The following RAP1GDS1 variants were observed in gnomAD, a reference collection of about 807,000 sequenced individuals.
RAP1GDS1 encodes RAP1, GTP-GDP dissociation stimulator 1.
Under a neutral mutation model 71.1 loss-of-function variants are expected in RAP1GDS1, and 35 were observed. The observed-to-expected ratio is 0.49, with a 90% CI of 0.38 to 0.65. RAP1GDS1 has a LOEUF of 0.65. RAP1GDS1 is among the 30% of genes least tolerant of loss of function. RAP1GDS1 has a pLI of 0.00. For missense variants in RAP1GDS1, 663 were observed against 706.1 expected (o/e 0.94, Z 0.69); for synonymous variants, 229 against 243.1 (o/e 0.94, Z 0.54).
intron 2 of RAP1GDS1, among the ~76,000 whole-genome samples, chr4:98,330,255 T>C (rs920107403): frequency 1.3e-5 from 2 of 152,234 alleles, no homozygotes; most frequent in African/African-American, 4.8e-5. Context: ...TGATCTCTCT[T>C]TCTTTTCCCC....
intron 1 of RAP1GDS1, among the ~76,000 whole-genome samples, chr4:98,261,963 C>T (rs1397364219): frequency 6.6e-6 from 1 of 152,268 alleles, no homozygotes; most frequent in African/African-American, 2.4e-5. Flanking sequence ...GAGCTCGAGG[C>T]TCGGGTCCGA....
chr4:98,296,157 A>G (rs1474218368), intron 2 of RAP1GDS1, among the ~76,000 whole-genome samples: 1 of 152,074 alleles, frequency 6.6e-6, no homozygotes, highest in Non-Finnish European at 1.5e-5. Flanking sequence ...CAGGAAAGAA[A>G]GATTTCTCCA....
chr4:98,292,565 A>G (rs1425277254), intron 1 of RAP1GDS1, among the ~76,000 whole-genome samples: 1 of 145,992 alleles, frequency 6.8e-6, no homozygotes, highest in Non-Finnish European at 1.5e-5. Context: ...AAAGTATAAT[A>G]AAAGAAAAAA....
chr4:98,285,938 CAT>C, intron 1 of RAP1GDS1, among the ~76,000 whole-genome samples: 1 of 146,502 alleles, frequency 6.8e-6, no homozygotes. Flanking sequence ...TAAATATATT[CAT>C]ATTTATTATA....
chr4:98,420,524 C>T (rs1339539307), intron 11 of RAP1GDS1, among the ~76,000 whole-genome samples: 1 of 151,984 alleles, frequency 6.6e-6, no homozygotes, highest in Non-Finnish European at 1.5e-5. Flanking sequence ...CTCCACAACT[C>T]CTGGCTAATT....
At chr4:98,265,428 G>A (rs573648115) in intron 1 of RAP1GDS1, among the ~76,000 whole-genome samples, 2 of 152,224 alleles carry the variant, frequency 1.3e-5, no homozygotes, top group Admixed American at 1.3e-4. Flanking sequence ...GTCATATTAG[G>A]ATTTGAATAC....
At chr4:98,317,889 C>T (rs1478420158) in intron 2 of RAP1GDS1, among the ~76,000 whole-genome samples, 6 of 149,818 alleles carry the variant, frequency 4.0e-5, no homozygotes, top group Non-Finnish European at 8.9e-5. Context: ...TCGCCCAGGC[C>T]GGAGTGCAGT....
chr4:98,288,718 G>A (rs558982028), intron 1 of RAP1GDS1, among the ~76,000 whole-genome samples: 11 of 152,044 alleles, frequency 7.2e-5, no homozygotes, highest in African/African-American at 1.2e-4. Flanking sequence ...TTTAATGATC[G>A]CCATTCTAAC....
chr4:98,277,998 G>A (rs113916103), intron 1 of RAP1GDS1, among the ~76,000 whole-genome samples: 5,416 of 152,252 alleles, frequency 0.036, 321 homozygotes, highest in African/African-American at 0.12. Flanking sequence ...AGGCCAAGGC[G>A]GATGTGTCAC....
chr4:98,336,309 G>A (rs1291641510), intron 2 of RAP1GDS1, among the ~76,000 whole-genome samples: 5 of 152,012 alleles, frequency 3.3e-5, no homozygotes, highest in Non-Finnish European at 7.4e-5. Context: ...TTTTAACCAT[G>A]TAACTCTTAA....
chr4:98,368,839 T>C lies in RAP1GDS1; in HGVS notation c.362-10178T>C, dbSNP rs148374954. On this transcript the variant is annotated intron_variant, in intron 4 of 14. Transcript: ENST00000408927. Reference sequence around the variant, plus strand: ...CAGCTAAAGTTCCACTTCAGTTTGATATGCATGTACTGAAGTCCTCTTATT... The same window carrying C: ...CAGCTAAAGTTCCACTTCAGTTTGACATGCATGTACTGAAGTCCTCTTATT... Among the ~76,000 whole-genome samples, 541 of 152,336 alleles carry C rather than the reference T, an allele frequency of 3.6e-3. 3 individuals are homozygous for C. The highest frequency in any genetic ancestry group is 0.012 in the African/African-American group (507 of 41,568).
intron 4 of RAP1GDS1, among the ~76,000 whole-genome samples, chr4:98,369,483 G>A (rs1044494761): frequency 5.9e-5 from 9 of 152,246 alleles, no homozygotes; most frequent in Middle Eastern, 3.4e-3. Flanking sequence ...GTATATTTGA[G>A]TGGATAAAAG....
chr4:98,303,007 C>CTG (rs1329611257), intron 2 of RAP1GDS1, among the ~76,000 whole-genome samples: 1 of 151,140 alleles, frequency 6.6e-6, no homozygotes, highest in Non-Finnish European at 1.5e-5. Context: ...GATTGCGTGA[C>CTG]TGCACTCTAG....
chr4:98,388,508 C>T (rs1460958400), intron 5 of RAP1GDS1, among the ~76,000 whole-genome samples: 2 of 152,086 alleles, frequency 1.3e-5, no homozygotes, highest in Non-Finnish European at 2.9e-5. Context: ...GATGGATCGC[C>T]TGAGGTCAGG....
Position 98,420,021 on chromosome 4 carries a change from A to G in RAP1GDS1, c.1177A>G (p.Ile393Val). 1.3e-6 allele frequency: 2 copies of G among 1,593,678 alleles called. No individual in the cohort carries two copies. The highest frequency in any genetic ancestry group is 1.7e-6 in the Non-Finnish European group (2 of 1,170,428). Residue 393 changes from isoleucine (I) to valine (V), a missense_variant and splice_region_variant, in exon 11 of 15, where the codon ATA becomes GTA. By Grantham distance (29) the Ile-to-Val change is conservative. Transcript: ENST00000408927. ...CCATAGTCTCTCTTTTTCTCCAGTT[A>G]TAAATAAAGCAAAGATGTTATCAGC... ...SALRNLAIPV[I>V]NKAKMLSAGV...
chr4:98,311,607 A>C (rs750033194), intron 2 of RAP1GDS1, among the ~76,000 whole-genome samples: 12 of 152,162 alleles, frequency 7.9e-5, no homozygotes, highest in Non-Finnish European at 1.5e-4. Flanking sequence ...TATGATAAGA[A>C]ATATATATGT....
At chr4:98,435,389 T>A (rs1402950252) in intron 13 of RAP1GDS1, among the ~76,000 whole-genome samples, 4 of 152,212 alleles carry the variant, frequency 2.6e-5, no homozygotes. Context: ...ATTTTGTATA[T>A]GAATTATATA....
intron 1 of RAP1GDS1, among the ~76,000 whole-genome samples, chr4:98,277,018 C>T (rs1204583005): frequency 6.6e-6 from 1 of 152,088 alleles, no homozygotes; most frequent in African/African-American, 2.4e-5. Flanking sequence ...TAGTTAGGGG[C>T]AGTGTCAGGC....
At chr4:98,362,089 A>G (rs1738829132) in intron 4 of RAP1GDS1, among the ~76,000 whole-genome samples, 1 of 152,218 alleles carries the variant, frequency 6.6e-6, no homozygotes, top group Non-Finnish European at 1.5e-5. Flanking sequence ...CATAATAGAA[A>G]TTCACTGTTG....
Sources: allele counts gnomAD v4.1 joint callset (sites outside exome capture counted in the v4.1 genomes callset), GRCh38; gene constraint gnomAD v4.1.1; transcripts MANE v1.5; gene names NCBI Gene and HGNC (gene_info 2026-07-23, HGNC 2026-07-21).